Variants in CAPN3 observed in about 807,000 individuals in gnomAD.
CAPN3 encodes the protein calpain 3, also known as calpain-3.
A neutral mutation model predicts 114.0 loss-of-function variants in CAPN3; 88 were observed. That is an observed-to-expected ratio of 0.77 (90% CI 0.65 to 0.92). The LOEUF (loss-of-function observed/expected upper bound fraction) is 0.92, where lower values mean the gene tolerates loss of function less well. CAPN3 is among the 40% of genes least tolerant of loss of function. CAPN3 has a pLI of 0.00. For missense variants in CAPN3, 1,028 were observed against 1,069.0 expected (o/e 0.96, Z 0.53); for synonymous variants, 386 against 382.9 (o/e 1.01, Z -0.09).
At chr15:42,411,688 CGGGGGGG>C in intron 23 of CAPN3, 52 bp from the exon 24 acceptor site, 1 of 455,374 alleles carries the variant, frequency 2.2e-6, no homozygotes, top group Non-Finnish European at 3.8e-6. Flanking sequence ...ATTCCTAGGG[CGGGGGGG>C]GGGGGGGTCA....
chr15:42,408,412 C>T, intron 16 of CAPN3, 88 bp downstream of exon 16: 1 of 805,610 alleles, frequency 1.2e-6, no homozygotes, highest in East Asian at 2.6e-5. Context: ...GGAGGCTTCC[C>T]AGGAGTTTGT....
intron 14 of CAPN3, among the ~76,000 whole-genome samples, chr15:42,405,711 AG>A (rs1202016034): frequency 6.6e-6 from 1 of 152,088 alleles, no homozygotes; most frequent in Non-Finnish European, 1.5e-5. Context: ...ACAAAGTCAG[AG>A]CAGTCACTGG....
chr15:42,410,060 AG>A, intron 19 of CAPN3, 65 bp downstream of exon 19: 2 of 1,466,146 alleles, frequency 1.4e-6, no homozygotes, highest in South Asian at 2.3e-5. Flanking sequence ...GGCAACATAC[AG>A]GGTGCCCAGT....
chr15:42,372,448 T>C (rs189926669), intron 1 of CAPN3, among the ~76,000 whole-genome samples: 61 of 151,866 alleles, frequency 4.0e-4, no homozygotes, highest in Non-Finnish European at 7.4e-5. Flanking sequence ...TGTGAACCAC[T>C]GCGCCCAGCC....
chr15:42,380,749 A>ATTTT (rs2053226229), intron 1 of CAPN3, among the ~76,000 whole-genome samples: 2 of 59,482 alleles, frequency 3.4e-5, no homozygotes, highest in African/African-American at 9.4e-5. Flanking sequence ...ATATATATAT[A>ATTTT]TATTTTTTTT....
intron 15 of CAPN3, among the ~76,000 whole-genome samples, chr15:42,406,491 G>A (rs1363982668): frequency 6.6e-6 from 1 of 152,064 alleles, no homozygotes; most frequent in East Asian, 1.9e-4. Flanking sequence ...ACTGTGCTTG[G>A]GGTCAGTCCC....
intron 16 of CAPN3, chr15:42,408,690 G>T (rs2054100926): frequency 5.5e-6 from 2 of 361,264 alleles, no homozygotes; most frequent in Non-Finnish European, 5.4e-6. Flanking sequence ...TAAAGGATAG[G>T]AGCAGAAAAG....
At chr15:42,401,485 C>CTT (rs531854862) in intron 10 of CAPN3, among the ~76,000 whole-genome samples, 156 bp from the exon 11 acceptor site, 11 of 127,036 alleles carry the variant, frequency 8.7e-5, no homozygotes, top group Non-Finnish European at 1.3e-4. Context: ...CCCCCCCCCC[C>CTT]CCAAATCATT....
rs761211705 is a variant in CAPN3, at chr15:42,389,944, G to A, written c.802-9G>A. On this transcript the variant is annotated splice_polypyrimidine_tract_variant and intron_variant, in intron 5 of 23. Coordinates refer to ENST00000397163, the MANE Select transcript of CAPN3 (RefSeq NM_000070.3). ...TGTGTTGTTCCCTACATTCTCCATC[G>A]GGCCTCAGGATGGCACGAACATGAC... is the stretch of plus-strand genomic sequence containing the variant. 2.4e-5 allele frequency: 39 copies of A among 1,613,456 alleles called. No homozygotes were observed. Among genetic ancestry groups the A allele is most frequent in the Non-Finnish European group, 3.1e-5 (37 of 1,179,958 alleles).
Position 42,411,887 on chromosome 15 carries a change from C to T in CAPN3, c.*114C>T. Reference sequence around the variant, plus strand: ...CAGCAGCTACACCCCTACAGGCTTCCAGGCACCTCATCAGTCATGCTCCTC... The same window carrying T: ...CAGCAGCTACACCCCTACAGGCTTCTAGGCACCTCATCAGTCATGCTCCTC... On this transcript the variant is annotated 3_prime_UTR_variant, in exon 24 of 24. Coordinates refer to ENST00000397163, the MANE Select transcript of CAPN3 (RefSeq NM_000070.3). The T allele has an allele frequency of 5.7e-6, 9 of 1,592,604 alleles. No homozygotes were observed. The South Asian group carries it at 1.0e-4, about 18-fold the overall frequency.
intron 1 of CAPN3, among the ~76,000 whole-genome samples, chr15:42,361,684 G>T (rs2052648528): frequency 6.6e-6 from 1 of 152,214 alleles, no homozygotes; most frequent in East Asian, 1.9e-4. Context: ...GGCCCCCACT[G>T]CCTTCAGGAC....
In CAPN3 at chr15:42,362,354, G is replaced by A. The variant is rs890236281; in HGVS notation, c.309+2240G>A. Among the ~76,000 whole-genome samples, 7 of 152,208 alleles carry A rather than the reference G, an allele frequency of 4.6e-5. No homozygotes were observed. In the East Asian group the frequency reaches 5.8e-4, roughly 13 times the overall value. Reference sequence around the variant, plus strand: ...CATTGGTGGACTTGAGTCTTCAAGCGAGACTTACAAATTAATAAAAATTCT... The same window carrying A: ...CATTGGTGGACTTGAGTCTTCAAGCAAGACTTACAAATTAATAAAAATTCT... On this transcript the variant is annotated intron_variant, in intron 1 of 23. Transcript: ENST00000397163.
chr15:42,369,318 G>A (rs575688955), intron 1 of CAPN3, among the ~76,000 whole-genome samples: 3 of 152,272 alleles, frequency 2.0e-5, no homozygotes, highest in African/African-American at 2.4e-5. Flanking sequence ...GATTTAGGCA[G>A]TTTTTGATCA....
chr15:42,380,713 TC>T (rs1332984530), intron 1 of CAPN3, among the ~76,000 whole-genome samples: 2 of 140,612 alleles, frequency 1.4e-5, no homozygotes, highest in Non-Finnish European at 3.0e-5. Context: ...ACGGGGTCTC[TC>T]CCCCCACCTT....
intron 3 of CAPN3, 87 bp from the exon 4 acceptor site, chr15:42,387,666 C>G: frequency 6.5e-7 from 1 of 1,532,042 alleles, no homozygotes; most frequent in Non-Finnish European, 9.0e-7. Flanking sequence ...CTTTGGGATT[C>G]AAGAACCCCC....
chr15:42,378,170 G>T (rs560437969), intron 1 of CAPN3, among the ~76,000 whole-genome samples: 5 of 152,312 alleles, frequency 3.3e-5, no homozygotes, highest in African/African-American at 1.2e-4. Context: ...TAGCCCTGTG[G>T]GCATTTATTT....
chr15:42,411,027 T>C, intron 22 of CAPN3, 27 bp downstream of exon 22: 1 of 1,524,682 alleles, frequency 6.6e-7, no homozygotes, highest in South Asian at 1.1e-5. Flanking sequence ...GGCTGCCCTC[T>C]GCTCTCTTGC....
chr15:42,389,773 A>G (rs545868818), intron 5 of CAPN3, among the ~76,000 whole-genome samples, 180 bp from the exon 6 acceptor site: 8 of 152,234 alleles, frequency 5.3e-5, no homozygotes, highest in African/African-American at 9.6e-5. Context: ...ACACAACACC[A>G]TGGATGAACT....
At position 42,359,515 on chromosome 15, in the gene CAPN3, T is replaced by A. The variant is rs1164854400; in HGVS notation, c.-291T>A. On this transcript the variant is annotated 5_prime_UTR_variant, in exon 1 of 24. Coordinates refer to ENST00000397163, the MANE Select transcript of CAPN3 (RefSeq NM_000070.3). Reference sequence around the variant, plus strand: ...ACACAACCCTCACTCTCTTTCTCTCTCCCTCTGGCATGCATGCTGCTGGTA... The same window carrying A: ...ACACAACCCTCACTCTCTTTCTCTCACCCTCTGGCATGCATGCTGCTGGTA... 1 of 1,275,688 alleles carries A rather than the reference T, an allele frequency of 7.8e-7. No homozygotes were observed. The highest frequency in any genetic ancestry group is 1.5e-5 in the African/African-American group (1 of 66,618). 79.0% of individuals were successfully genotyped at this position (1,275,688 alleles called of 1,614,324 possible).
Sources: gnomAD v4.1 joint callset for allele counts (sites outside exome capture counted in the v4.1 genomes callset) on GRCh38, gnomAD v4.1.1 for gene constraint, MANE v1.5 for transcripts, NCBI Gene and HGNC (gene_info 2026-07-23, HGNC 2026-07-21) for gene names.